Variants in CTTNBP2 observed in about 807,000 individuals in gnomAD.
The protein encoded by CTTNBP2 is cortactin binding protein 2, also known as cortactin-binding protein 2.
Under a neutral mutation model 156.9 loss-of-function variants are expected in CTTNBP2, and 108 were observed. The ratio of observed to expected loss-of-function variants is 0.69; its 90% CI spans 0.59 to 0.81. The LOEUF (loss-of-function observed/expected upper bound fraction) is 0.81. Ranked by LOEUF, CTTNBP2 falls within the 30% of genes least tolerant of loss-of-function variation. The probability of loss-of-function intolerance (pLI) is 0.00; values close to 1 mark genes in which losing one functional copy is unlikely to be tolerated. For synonymous variants in CTTNBP2, 767 were observed against 751.8 expected, an observed-to-expected ratio of 1.02 and a Z score of -0.33; for missense variants, 1,924 against 2,035.4, an observed-to-expected ratio of 0.95 and a Z score of 1.05.
At chr7:117,844,385 A>C (rs1433376631) in intron 2 of CTTNBP2, among the ~76,000 whole-genome samples, 2 of 152,206 alleles carry the variant, frequency 1.3e-5, no homozygotes, top group Non-Finnish European at 2.9e-5. Flanking sequence ...AGGAAGATTT[A>C]AGATACATCC....
intron 8 of CTTNBP2, among the ~76,000 whole-genome samples, chr7:117,773,821 A>T (rs1210127126): frequency 6.6e-6 from 1 of 152,106 alleles, no homozygotes. Flanking sequence ...TATGCATTAA[A>T]TCGTCAACTT....
At chr7:117,841,664 A>G (rs1325110522) in intron 2 of CTTNBP2, among the ~76,000 whole-genome samples, 1 of 152,252 alleles carries the variant, frequency 6.6e-6, no homozygotes, top group Non-Finnish European at 1.5e-5. Context: ...CTTTCGGTCA[A>G]ATCTCTTCTC....
chr7:117,780,370 T>C, intron 7 of CTTNBP2, 71 bp downstream of exon 7: 1 of 1,033,210 alleles, frequency 9.7e-7, no homozygotes, highest in Non-Finnish European at 1.3e-6. Flanking sequence ...TATTTTGTTT[T>C]TCTAGTTATA....
intron 3 of CTTNBP2, among the ~76,000 whole-genome samples, chr7:117,798,684 A>C (rs1799453477): frequency 6.6e-6 from 1 of 152,120 alleles, no homozygotes. Flanking sequence ...AGCTAGGAAA[A>C]GATGGACAAA....
rs903378803 is a variant in CTTNBP2, at chr7:117,777,542, G to T, written c.2747C>A (p.Ala916Asp). 2.5e-6 allele frequency: 4 copies of T among 1,613,436 alleles called. No homozygotes were observed. In the South Asian group the frequency reaches 4.4e-5, roughly 18 times the overall value. The change falls in exon 8 of 23, where the codon GCT becomes GAT. Residue 916 changes from alanine (A) to aspartate (D), a missense_variant. Coordinates refer to ENST00000160373, the MANE Select transcript of CTTNBP2 (RefSeq NM_033427.3). Reference protein sequence around the residue: ...INHANREGWTAAHIAASKGFK... With the variant: ...INHANREGWTDAHIAASKGFK... ...ACCTTTGGAAGCAGCAATGTGGGCA[G>T]CAGTCCAGCCTTCTCTGTTGGCGTG...
chr7:117,719,636 C>A lies in CTTNBP2; in HGVS notation c.4512G>T (p.Lys1504Asn). The A allele has an allele frequency of 6.2e-7, 1 of 1,609,106 alleles. No individual in the cohort carries two copies. Among genetic ancestry groups the A allele is most frequent in the East Asian group, 2.2e-5 (1 of 44,730 alleles). Residue 1504 changes from lysine (K) to asparagine (N), a missense_variant and splice_region_variant, in exon 21 of 23, where the codon AAG (lysine) becomes AAT (asparagine). Coordinates refer to ENST00000160373, the MANE Select transcript of CTTNBP2 (RefSeq NM_033427.3). ...CNRNASLSKQ[K>N]SLENDLSLTL... ...TCAGTGATAGATCATTCTCTAAAGACCTAACACAAAGTTCAGAAAAACGTT... is the reference window on the plus strand; with the variant it reads ...TCAGTGATAGATCATTCTCTAAAGAACTAACACAAAGTTCAGAAAAACGTT...
In CTTNBP2 at chr7:117,735,340, G is replaced by T; in HGVS notation, c.3617C>A (p.Ser1206Ter). 6.2e-7 allele frequency: 1 copy of T among 1,613,618 alleles called. No homozygotes were observed. The highest frequency in any genetic ancestry group is 2.2e-5 in the East Asian group (1 of 44,884). Residue 1206 changes from serine (S) to a stop codon, truncating the protein, a stop_gained, in exon 15 of 23, where the codon TCG (serine) becomes TAG (stop). Coordinates refer to ENST00000160373, the MANE Select transcript of CTTNBP2 (RefSeq NM_033427.3). LOFTEE classifies it high-confidence loss of function. ...TGCCAAAAAGTCCCTCAATAACTCC[G>T]ACAGTGAAGATTTTTCTAAATTTTC... Reference protein sequence around the residue: ...ILENLEKSSLSELLRDFLAPL... With the variant: ...ILENLEKSSL
chr7:117,719,438 T>A, intron 21 of CTTNBP2, 66 bp downstream of exon 21: 1 of 1,418,502 alleles, frequency 7.0e-7, no homozygotes, highest in Non-Finnish European at 9.6e-7. Context: ...TAGGGAATTG[T>A]GGTCCCCCAA....
intron 2 of CTTNBP2, among the ~76,000 whole-genome samples, chr7:117,858,076 A>G (rs908922644): frequency 2.0e-5 from 3 of 152,258 alleles, no homozygotes; most frequent in African/African-American, 4.8e-5. Context: ...AAAAAGCTTC[A>G]GGAATCTCCA....
Position 117,718,056 on chromosome 7 carries a change from C to CTGAAAGTACAGGGT in CTTNBP2, c.4694_4707dup (p.Ala1570ThrfsTer11), listed in dbSNP as rs1269766217. 6.2e-7 allele frequency: 1 copy of CTGAAAGTACAGGGT among 1,612,814 alleles called. No homozygotes were observed. Among genetic ancestry groups the CTGAAAGTACAGGGT allele is most frequent in the Non-Finnish European group, 8.5e-7 (1 of 1,179,082 alleles). On this transcript the variant is annotated frameshift_variant, in exon 22 of 23. Transcript: ENST00000160373. LOFTEE classifies it high-confidence loss of function. ...GGCATTCTCAGATTATTAATAGTTG[C>CTGAAAGTACAGGGT]TGAAAGTACAGGGTTGTTTCCAGAA...
intron 9 of CTTNBP2, among the ~76,000 whole-genome samples, chr7:117,762,217 C>T (rs1437726341): frequency 6.6e-6 from 1 of 152,140 alleles, no homozygotes; most frequent in Non-Finnish European, 1.5e-5. Context: ...GACTGCTGAC[C>T]TTCACATTTA....
At chr7:117,834,387 G>A (rs945382413) in intron 2 of CTTNBP2, among the ~76,000 whole-genome samples, 7 of 152,130 alleles carry the variant, frequency 4.6e-5, no homozygotes, top group African/African-American at 1.7e-4. Flanking sequence ...ATTTGACTAA[G>A]GGTATGTGAT....
chr7:117,799,004 C>T (rs982859399), intron 3 of CTTNBP2, among the ~76,000 whole-genome samples: 14 of 151,578 alleles, frequency 9.2e-5, no homozygotes, highest in African/African-American at 3.4e-4. Flanking sequence ...ATTGGAATGG[C>T]TTTATATTTT....
chr7:117,717,744 G>GAAGA (rs535537283), intron 22 of CTTNBP2, among the ~76,000 whole-genome samples: 2 of 127,776 alleles, frequency 1.6e-5, no homozygotes, highest in African/African-American at 5.5e-5. Flanking sequence ...CATATAAAAT[G>GAAGA]AAAAAAAAAA....
chr7:117,773,761 G>C (rs1354558166), intron 8 of CTTNBP2, among the ~76,000 whole-genome samples: 1 of 151,734 alleles, frequency 6.6e-6, no homozygotes, highest in African/African-American at 2.4e-5. Context: ...AGCAAAGTTG[G>C]AGAGGAAGTG....
Position 117,728,139 on chromosome 7 carries a change from T to C in CTTNBP2, c.4005A>G (p.Lys1335=), listed in dbSNP as rs573294129. The C allele has an allele frequency of 6.2e-7, 1 of 1,614,130 alleles. No homozygotes were observed. The highest frequency in any genetic ancestry group is 2.2e-5 in the East Asian group (1 of 44,880). The change falls in exon 17 of 23, where the codon AAA becomes AAG. Residue 1335 remains lysine, a synonymous_variant. Coordinates refer to ENST00000160373, the MANE Select transcript of CTTNBP2 (RefSeq NM_033427.3). ...LGTPEALLGP[K]YFLSCPVVPG... ...GAACTACAGGACAAGACAGGAAATA[T>C]TTTGGTCCAAGAAGTGCTTCAGGTG...
At chr7:117,868,670 C>T (rs1184010430) in intron 1 of CTTNBP2, among the ~76,000 whole-genome samples, 1 of 152,194 alleles carries the variant, frequency 6.6e-6, no homozygotes, top group African/African-American at 2.4e-5. Context: ...TACCTAACTA[C>T]CAACAGAAAA....
In CTTNBP2 at chr7:117,767,168, T is replaced by G; in HGVS notation, c.2787A>C (p.Leu929=). ...GCCCTCCGTGCCTACACAAGATTTC[T>G]AGGCAGTTCTATAAAGACAAGAGCT... The part of the protein sequence containing the change: ...IAASKGFKNC[L]EILCRHGGLE... The change falls in exon 9 of 23, where the codon CTA becomes CTC. Residue 929 remains leucine, a synonymous_variant. Transcript: ENST00000160373. The G allele has an allele frequency of 1.3e-6, 2 of 1,583,522 alleles. No individual in the cohort carries two copies. The highest frequency in any genetic ancestry group is 1.7e-6 in the Non-Finnish European group (2 of 1,152,120).
intron 17 of CTTNBP2, among the ~76,000 whole-genome samples, chr7:117,725,832 C>T (rs35538076): frequency 0.036 from 5,487 of 152,156 alleles, 325 homozygotes; most frequent in African/African-American, 0.12. Flanking sequence ...GGATTACAGG[C>T]GTGTGGCAAC....
Sources: allele counts gnomAD v4.1 joint callset (sites outside exome capture counted in the v4.1 genomes callset), GRCh38; gene constraint gnomAD v4.1.1; transcripts MANE v1.5; gene names NCBI Gene and HGNC (gene_info 2026-07-23, HGNC 2026-07-21).